The following RBFOX1 variants were observed in gnomAD, a reference collection of about 807,000 sequenced individuals.
RBFOX1 encodes RNA binding fox-1 homolog 1.
In RBFOX1, 8 loss-of-function variants were observed where a neutral mutation model predicts 57.7. That is an observed-to-expected ratio of 0.14 (90% CI 0.08 to 0.25). The LOEUF is 0.25. Among genes scored for constraint, RBFOX1 ranks in the 10% least tolerant of loss-of-function variants. The pLI, the probability that RBFOX1 is intolerant of heterozygous loss-of-function variation, is 1.00. For synonymous variants in RBFOX1, 326 were observed against 222.4 expected, an observed-to-expected ratio of 1.47 and a Z score of -4.15; for missense variants, 611 against 548.5, an observed-to-expected ratio of 1.11 and a Z score of -1.14.
intron 1 of RBFOX1, among the ~76,000 whole-genome samples, chr16:5,335,406 G>A (rs2064870545): frequency 6.6e-6 from 1 of 152,210 alleles, no homozygotes; most frequent in Non-Finnish European, 1.5e-5. Context: ...GGAGGCTGGA[G>A]TTTTTCCCGT....
Position 6,552,776 on chromosome 16 carries a change from A to G in RBFOX1, c.-63-101827A>G, listed in dbSNP as rs1403744674. ...ATAGAAAATGTACACACATATAAAT[A>G]CACATACAATTATATGTGGTATGTA... On this transcript the variant is annotated intron_variant, in intron 2 of 15. Transcript: ENST00000550418. Among the ~76,000 whole-genome samples the G allele has an allele frequency of 2.0e-5, 3 of 152,026 alleles. No homozygotes were observed. In the East Asian group the frequency reaches 5.8e-4, roughly 29 times the overall value.
At chr16:6,251,937 C>T (rs1237865795) in intron 1 of RBFOX1, among the ~76,000 whole-genome samples, 2 of 152,070 alleles carry the variant, frequency 1.3e-5, no homozygotes, top group African/African-American at 4.8e-5. Flanking sequence ...TCTCCTGGTT[C>T]CGAACTCATT....
intron 11 of RBFOX1, among the ~76,000 whole-genome samples, chr16:7,631,690 A>G (rs1395964331): frequency 6.6e-6 from 1 of 151,976 alleles, no homozygotes; most frequent in Non-Finnish European, 1.5e-5. Context: ...TGGGGAGGAG[A>G]GCAGGAGTAC....
chr16:7,124,686 G>A (rs1419644994), intron 4 of RBFOX1, among the ~76,000 whole-genome samples: 3 of 151,198 alleles, frequency 2.0e-5, no homozygotes, highest in Non-Finnish European at 4.4e-5. Context: ...CACAATACTC[G>A]AAAATCTCCC....
At chr16:6,521,209 T>G (rs926918070) in intron 2 of RBFOX1, among the ~76,000 whole-genome samples, 5 of 152,020 alleles carry the variant, frequency 3.3e-5, no homozygotes, top group African/African-American at 4.8e-5. Flanking sequence ...TTATAGCAAA[T>G]AGACATTATG....
rs1233510868 is a variant in RBFOX1, at chr16:6,681,563, A to G, written c.-16+26913A>G. Among the ~76,000 whole-genome samples the G allele has an allele frequency of 3.3e-5, 5 of 152,166 alleles. No homozygotes were observed. In the East Asian group the frequency reaches 9.6e-4, roughly 29 times the overall value. On this transcript the variant is annotated intron_variant, in intron 3 of 15. Transcript: ENST00000550418. Reference sequence around the variant, plus strand: ...CCAAACTTTAGTCAGTTGAGAAAATAAAGTAACAATTTGTTGTTAATTTGG... The same window carrying G: ...CCAAACTTTAGTCAGTTGAGAAAATGAAGTAACAATTTGTTGTTAATTTGG...
intron 4 of RBFOX1, among the ~76,000 whole-genome samples, chr16:7,374,948 G>A (rs1352481624): frequency 1.3e-5 from 2 of 152,168 alleles, no homozygotes; most frequent in Non-Finnish European, 2.9e-5. Context: ...TTTAAACGGA[G>A]CCTGGAGTAA....
intron 3 of RBFOX1, among the ~76,000 whole-genome samples, chr16:5,821,680 G>A (rs1411156141): frequency 2.0e-5 from 3 of 152,160 alleles, no homozygotes; most frequent in African/African-American, 4.8e-5. Flanking sequence ...CTGAGACTGT[G>A]TAACTTACAA....
chr16:7,099,382 C>T (rs773122074), intron 4 of RBFOX1, among the ~76,000 whole-genome samples: 12 of 152,006 alleles, frequency 7.9e-5, no homozygotes, highest in Non-Finnish European at 1.2e-4. Context: ...TTTATTTAAC[C>T]CCTCTTTAAA....
intron 3 of RBFOX1, among the ~76,000 whole-genome samples, chr16:6,956,673 A>G (rs571415725): frequency 1.1e-4 from 17 of 152,178 alleles, no homozygotes; most frequent in African/African-American, 2.9e-4. Context: ...CCAGTTATCT[A>G]TTGCATCATA....
chr16:5,270,657 C>T, intron 1 of RBFOX1: 1 of 543,104 alleles, frequency 1.8e-6, no homozygotes, highest in Non-Finnish European at 3.4e-6. Context: ...CAACAGTCTG[C>T]CAAATCCAGA....
intron 2 of RBFOX1, among the ~76,000 whole-genome samples, chr16:6,345,811 T>A (rs992336008): frequency 6.6e-6 from 1 of 152,094 alleles, no homozygotes; most frequent in African/African-American, 2.4e-5. Flanking sequence ...CCTCAGGAGG[T>A]CCTGACGACA....
intron 5 of RBFOX1, among the ~76,000 whole-genome samples, chr16:7,540,410 C>G (rs2082612036): frequency 6.6e-6 from 1 of 152,154 alleles, no homozygotes; most frequent in East Asian, 1.9e-4. Context: ...AGGTGTTACC[C>G]ATGCAAGACT....
At chr16:5,495,603 G>T (rs1262664985) in intron 2 of RBFOX1, among the ~76,000 whole-genome samples, 1 of 152,136 alleles carries the variant, frequency 6.6e-6, no homozygotes, top group Non-Finnish European at 1.5e-5. Context: ...CTGGAGTGTG[G>T]GCCAAGCTGG....
At chr16:6,662,789 G>T (rs889368288) in intron 3 of RBFOX1, among the ~76,000 whole-genome samples, 2 of 145,294 alleles carry the variant, frequency 1.4e-5, no homozygotes, top group African/African-American at 2.6e-5. Context: ...TTGCATTAGA[G>T]TTACTTTCTA....
At chr16:5,645,745 A>G (rs1016925856) in intron 3 of RBFOX1, among the ~76,000 whole-genome samples, 7 of 152,216 alleles carry the variant, frequency 4.6e-5, no homozygotes, top group Non-Finnish European at 5.9e-5. Context: ...AGCTGACTGT[A>G]GCCTCAATCT....
chr16:7,683,299 CTTAGT>C (rs919309470), intron 14 of RBFOX1, among the ~76,000 whole-genome samples: 1 of 151,238 alleles, frequency 6.6e-6, no homozygotes, highest in Non-Finnish European at 1.5e-5. Context: ...CTGAGTTTCT[CTTAGT>C]TTATAGAAAT....
intron 3 of RBFOX1, among the ~76,000 whole-genome samples, chr16:6,740,654 A>G (rs1287038529): frequency 1.3e-5 from 2 of 152,208 alleles, no homozygotes; most frequent in Non-Finnish European, 1.5e-5. Context: ...AAAAAGGGAA[A>G]TATTTAGGTG....
intron 4 of RBFOX1, among the ~76,000 whole-genome samples, chr16:7,203,187 C>T (rs920009475): frequency 4.6e-5 from 7 of 152,158 alleles, no homozygotes; most frequent in South Asian, 2.1e-4. Context: ...TACTCACACA[C>T]GCACAATGGA....
Sources: gnomAD v4.1 joint callset for allele counts (sites outside exome capture counted in the v4.1 genomes callset) on GRCh38, gnomAD v4.1.1 for gene constraint, MANE v1.5 for transcripts, NCBI Gene and HGNC (gene_info 2026-07-23, HGNC 2026-07-21) for gene names.